Variants in STOX2 observed in about 807,000 individuals in gnomAD.
STOX2 encodes the protein storkhead box 2.
In STOX2, 28 loss-of-function variants were observed where a neutral mutation model predicts 60.9. That is an observed-to-expected ratio of 0.46 (90% confidence interval 0.34 to 0.63). The LOEUF (loss-of-function observed/expected upper bound fraction) is 0.63. Ranked by LOEUF, STOX2 falls within the 30% of genes least tolerant of loss-of-function variation. The pLI, the probability that STOX2 is intolerant of heterozygous loss-of-function variation, is 0.01. For missense variants in STOX2, 1,024 were observed against 1,187.7 expected, an observed-to-expected ratio of 0.86 and a Z score of 2.03; for synonymous variants, 472 against 463.9, an observed-to-expected ratio of 1.02 and a Z score of -0.22.
chr4:183,874,952 AATATAT>A (rs759209967), intron 1 of STOX2, among the ~76,000 whole-genome samples: 1,858 of 44,444 alleles, frequency 0.042, 45 homozygotes, highest in South Asian at 0.097. Flanking sequence ...AAAAAAAAAA[AATATAT>A]ATATATATAT....
At chr4:183,818,172 C>T (rs1004877325) in intron 1 of STOX2, among the ~76,000 whole-genome samples, 7 of 150,906 alleles carry the variant, frequency 4.6e-5, no homozygotes, top group African/African-American at 1.7e-4. Flanking sequence ...CATAGGACAA[C>T]AGTGGAGGGA....
chr4:183,897,382 G>A (rs1579387091), intron 1 of STOX2, among the ~76,000 whole-genome samples: 1 of 152,144 alleles, frequency 6.6e-6, no homozygotes, highest in African/African-American at 2.4e-5. Context: ...TGCTAGCTTT[G>A]CTTACTTGAA....
Position 183,906,639 on chromosome 4 carries a change from C to T in STOX2, c.-152C>T, listed in dbSNP as rs1418223027. On this transcript the variant is annotated 5_prime_UTR_variant, in exon 1 of 4. Transcript: ENST00000308497. ...TGGGGGGGCGTGGGGAGGGCCGGACCCGCCGCTGGCGGTGTAGACGCCGAC... is the reference window on the plus strand; with the variant it reads ...TGGGGGGGCGTGGGGAGGGCCGGACTCGCCGCTGGCGGTGTAGACGCCGAC... The T allele has an allele frequency of 4.7e-6, 4 of 846,388 alleles. No homozygotes were observed. Among genetic ancestry groups the T allele is most frequent in the Middle Eastern group, 3.6e-4 (1 of 2,782 alleles). 52.4% of individuals were successfully genotyped at this position (846,388 alleles called of 1,614,324 possible).
In STOX2 at chr4:183,905,384, A is replaced by G. The variant is rs1741562438; in HGVS notation, c.-1407A>G. 1 of 152,406 alleles carries G rather than the reference A, an allele frequency of 6.6e-6. No individual in the cohort carries two copies. Among genetic ancestry groups the G allele is most frequent in the South Asian group, 2.1e-4 (1 of 4,836 alleles). 9.4% of individuals were successfully genotyped at this position (152,406 alleles called of 1,614,324 possible). A position where few individuals can be genotyped will look rare whatever the true frequency, so the allele number is the denominator to read the frequency against. ...GCGTAGCGGGCTGGCGGTGACTTAC[A>G]CCGGGACTCCAGAGGGAGAGAGGAA... On this transcript the variant is annotated 5_prime_UTR_variant, in exon 1 of 4. Transcript: ENST00000308497.
At chr4:183,807,928 A>G (rs1236839451) in intron 1 of STOX2, among the ~76,000 whole-genome samples, 1 of 152,194 alleles carries the variant, frequency 6.6e-6, no homozygotes, top group Non-Finnish European at 1.5e-5. Context: ...TTGTGGATTT[A>G]TCTACCCAAC....
intron 2 of STOX2, among the ~76,000 whole-genome samples, chr4:184,005,781 A>G (rs951930213): frequency 1.8e-4 from 28 of 152,246 alleles, no homozygotes; most frequent in Admixed American, 1.6e-3. Context: ...TAATACAATG[A>G]TAATCATAAA....
At chr4:183,862,922 A>G (rs1483263964) in intron 1 of STOX2, among the ~76,000 whole-genome samples, 1 of 152,152 alleles carries the variant, frequency 6.6e-6, no homozygotes, top group Admixed American at 6.5e-5. Context: ...TTCCGGTCAG[A>G]CAGGAGGTGA....
chr4:183,812,854 A>G (rs185340022), intron 1 of STOX2, among the ~76,000 whole-genome samples: 1 of 152,330 alleles, frequency 6.6e-6, no homozygotes, highest in East Asian at 1.9e-4. Flanking sequence ...TTTTCCAAGT[A>G]TGTAGGTCAT....
At chr4:183,988,519 A>G (rs887874389) in intron 1 of STOX2, 2 of 152,182 alleles carry the variant, frequency 1.3e-5, no homozygotes, top group African/African-American at 4.8e-5. Context: ...AACTTGTACC[A>G]GTATCTCAAG....
At position 184,009,985 on chromosome 4, in the gene STOX2, C is replaced by G; in HGVS notation, c.1147C>G (p.Pro383Ala). 1 of 1,613,820 alleles carries G rather than the reference C, an allele frequency of 6.2e-7. No individual in the cohort carries two copies. Residue 383 changes from proline to alanine, a missense_variant, in exon 3 of 4, where the codon CCT becomes GCT. By Grantham distance (27) the Pro-to-Ala change is conservative. Around this residue, in one of 3 missense-constraint regions of STOX2, gnomAD observed 922 missense variants for 1,058.3 expected, o/e 0.87. Transcript: ENST00000308497. The surrounding 1 kb of genome is among the most constrained non-coding windows in gnomAD (Gnocchi z 4.0). The stretch of plus-strand genomic sequence containing the variant: ...CAAGACACGGGTGTCTAAAGGAGAC[C>G]CTTCCGACGGTTCACATCTGGATAT... ...HSKTRVSKGD[P>A]SDGSHLDIPA...
At chr4:184,006,607 A>G (rs1733837315) in intron 2 of STOX2, among the ~76,000 whole-genome samples, 1 of 143,478 alleles carries the variant, frequency 7.0e-6, no homozygotes, top group African/African-American at 2.6e-5. Context: ...GGATCACCTG[A>G]GCCTGGGGAA....
intron 1 of STOX2, among the ~76,000 whole-genome samples, chr4:183,966,140 G>A (rs1486816721): frequency 6.6e-6 from 1 of 151,996 alleles, no homozygotes; most frequent in Non-Finnish European, 1.5e-5. Context: ...GACCAGGGAG[G>A]GAGTTTTGAC....
intron 1 of STOX2, among the ~76,000 whole-genome samples, chr4:183,802,615 T>TTC (rs1158134094): frequency 6.6e-6 from 1 of 151,184 alleles, no homozygotes; most frequent in Non-Finnish European, 1.5e-5. Flanking sequence ...CCATTTTTCT[T>TTC]TTTTTTTTGA....
chr4:183,961,917 G>T (rs939413963), intron 1 of STOX2, among the ~76,000 whole-genome samples: 7 of 152,254 alleles, frequency 4.6e-5, no homozygotes, highest in African/African-American at 1.7e-4. Flanking sequence ...CAGACAGCTT[G>T]TGCTGAGACC....
intron 1 of STOX2, among the ~76,000 whole-genome samples, chr4:183,982,894 A>G (rs571785783): frequency 6.6e-6 from 1 of 152,228 alleles, no homozygotes; most frequent in Admixed American, 6.5e-5. Flanking sequence ...CTTTGGATGC[A>G]TCCTATACCC....
chr4:184,007,663 C>T (rs1326027948), intron 2 of STOX2, among the ~76,000 whole-genome samples: 1 of 152,182 alleles, frequency 6.6e-6, no homozygotes, highest in Admixed American at 6.5e-5. Context: ...ATGTATTGTC[C>T]TACAGTTCTG....
At chr4:183,827,152 T>A (rs1739453418) in intron 1 of STOX2, among the ~76,000 whole-genome samples, 1 of 152,138 alleles carries the variant, frequency 6.6e-6, no homozygotes, top group East Asian at 1.9e-4. Context: ...TTTATAGCAC[T>A]GAAATAAAAA....
chr4:183,866,768 C>T (rs900382004), intron 1 of STOX2, among the ~76,000 whole-genome samples: 1 of 152,082 alleles, frequency 6.6e-6, no homozygotes, highest in East Asian at 1.9e-4. Flanking sequence ...AGTCCCAGCA[C>T]GTTGGGAGGC....
intron 1 of STOX2, among the ~76,000 whole-genome samples, chr4:183,854,282 C>T (rs1740234857): frequency 6.6e-6 from 1 of 152,190 alleles, no homozygotes; most frequent in African/African-American, 2.4e-5. Flanking sequence ...TCATGAACCT[C>T]CATTAAATAT....
Sources: allele counts gnomAD v4.1 joint callset (sites outside exome capture counted in the v4.1 genomes callset), GRCh38; gene constraint gnomAD v4.1.1; regional missense constraint gnomAD v4.1.1; non-coding constraint Gnocchi (gnomAD v3.1); transcripts MANE v1.5; gene names NCBI Gene and HGNC (gene_info 2026-07-23, HGNC 2026-07-21).